SKOR2: variants seen among roughly 807,000 people sequenced by gnomAD.
The protein encoded by SKOR2 is SKI family transcriptional corepressor 2.
SKOR2 carries 47 observed loss-of-function variants against 69.1 expected under a neutral mutation model. That is an observed-to-expected ratio of 0.68 (90% CI 0.54 to 0.87). The LOEUF (loss-of-function observed/expected upper bound fraction) is 0.87. SKOR2 is among the 40% of genes least tolerant of loss of function. The pLI is 0.00. For missense variants in SKOR2, 1,404 were observed against 1,472.2 expected (o/e 0.95, Z 0.76); for synonymous variants, 717 against 672.6 (o/e 1.07, Z -1.02).
In SKOR2 at chr18:47,247,789, C is replaced by T; in HGVS notation, c.1395G>A (p.Pro465=). ...GCGGCGGCCAGAACATGCAGAAGGG[C>T]GGATAGAAGGCGTCCTTGCGGCCCG... The part of the protein sequence containing the change: ...WPAGRKDAFY[P]PFCMFWPPRT... The change falls in exon 2 of 9, where the codon CCG becomes CCA. Residue 465 remains proline, a synonymous_variant. Transcript: ENST00000425639. This position sits in a 1 kb window ranked among gnomAD's most constrained non-coding sequence, Gnocchi z 6.6. 7.2e-7 allele frequency: 1 copy of T among 1,398,382 alleles called. No individual in the cohort carries two copies. The highest frequency in any genetic ancestry group is 9.2e-7 in the Non-Finnish European group (1 of 1,083,982). The allele number at this position is 1,398,382 out of a possible 1,614,324, so 86.6% of individuals were successfully genotyped here.
intron 6 of SKOR2, among the ~76,000 whole-genome samples, chr18:47,229,659 G>GA (rs1040864006): frequency 1.7e-4 from 25 of 147,466 alleles, no homozygotes; most frequent in African/African-American, 2.7e-4. Context: ...ATCTCAAAAA[G>GA]AAAAAAAAAA....
chr18:47,233,156 C>T (rs1256751210), intron 4 of SKOR2, among the ~76,000 whole-genome samples: 1 of 152,124 alleles, frequency 6.6e-6, no homozygotes, highest in Admixed American at 6.5e-5. Context: ...TCCTTGGCAT[C>T]CCTAAGTTCC....
intron 4 of SKOR2, among the ~76,000 whole-genome samples, chr18:47,231,323 G>C (rs2064197449): frequency 6.6e-6 from 1 of 152,156 alleles, no homozygotes; most frequent in Admixed American, 6.5e-5. Context: ...CAAAAGAGGA[G>C]TCTGGATAGT....
In SKOR2 at chr18:47,246,770, GC is replaced by G. The variant is rs1352898561; in HGVS notation, c.2413del (p.Ala805ProfsTer10). 2.8e-6 allele frequency: 4 copies of G among 1,404,030 alleles called. No homozygotes were observed. Among genetic ancestry groups the G allele is most frequent in the Non-Finnish European group, 3.7e-6 (4 of 1,089,022 alleles). The allele number at this position is 1,404,030 out of a possible 1,614,324, so 87.0% of individuals were successfully genotyped here. On this transcript the variant is annotated frameshift_variant, in exon 2 of 9. Transcript: ENST00000425639. LOFTEE classifies it high-confidence loss of function. ...GCCGAGCGGGAACGCGCCCGCGACG[GC>G]CGGCGCGCGGTCCCGGCTGCTCCCC... The part of the protein sequence containing the change: ...EKGSSRDRAP[A>X]VAGAFPLGLN...
chr18:47,219,298 A>G (rs1374083578), intron 7 of SKOR2, among the ~76,000 whole-genome samples: 1 of 152,236 alleles, frequency 6.6e-6, no homozygotes, highest in African/African-American at 2.4e-5. Flanking sequence ...CCTAATGAAT[A>G]GTACTAGATG....
At chr18:47,237,268 T>C (rs1223894057) in intron 4 of SKOR2, among the ~76,000 whole-genome samples, 3 of 152,240 alleles carry the variant, frequency 2.0e-5, no homozygotes, top group Non-Finnish European at 4.4e-5. Flanking sequence ...AGAAAATAAG[T>C]TTTGTTCTCA....
At position 47,247,052 on chromosome 18, in the gene SKOR2, G is replaced by C; in HGVS notation, c.2132C>G (p.Pro711Arg). Residue 711 changes from proline to arginine, a missense_variant, in exon 2 of 9, where the codon CCG becomes CGG. This residue lies in a region of SKOR2 where 1,266 missense variants were observed against 1,309.9 expected (regional missense o/e 0.97). Coordinates refer to ENST00000425639, the MANE Select transcript of SKOR2 (RefSeq NM_001278063.4). This position sits in a 1 kb window ranked among gnomAD's most constrained non-coding sequence, Gnocchi z 6.6. The stretch of plus-strand genomic sequence containing the variant: ...GGGAGACAGAAGGCCTCGGTGGTGC[G>C]GGTGCTGGGCCAGAGGGGGCGGCGG... Reference protein sequence around the residue: ...PPPPPPLAQHPHHRGLLSPGG... With the variant: ...PPPPPPLAQHRHHRGLLSPGG... The C allele has an allele frequency of 1.0e-5, 15 of 1,472,566 alleles. No homozygotes were observed. The highest frequency in any genetic ancestry group is 1.3e-5 in the Non-Finnish European group (14 of 1,116,768). The allele number at this position is 1,472,566 out of a possible 1,614,324, so 91.2% of individuals were successfully genotyped here.
At chr18:47,210,830 A>T (rs2064125773) in intron 8 of SKOR2, among the ~76,000 whole-genome samples, 3 of 152,152 alleles carry the variant, frequency 2.0e-5, no homozygotes, top group Admixed American at 2.0e-4. Context: ...AAGTCCATGC[A>T]TTAGGAAGAG....
intron 4 of SKOR2, among the ~76,000 whole-genome samples, chr18:47,235,710 A>G (rs1039126467): frequency 2.7e-5 from 4 of 147,674 alleles, no homozygotes; most frequent in African/African-American, 5.0e-5. Flanking sequence ...GAGAAGTAAC[A>G]TGCTGAAGCA....
chr18:47,243,768 GATAATA>G (rs1297745383), intron 4 of SKOR2, among the ~76,000 whole-genome samples: 1 of 152,124 alleles, frequency 6.6e-6, no homozygotes, highest in Non-Finnish European at 1.5e-5. Flanking sequence ...ATGTGGAAGT[GATAATA>G]ATAAAAACAT....
intron 6 of SKOR2, among the ~76,000 whole-genome samples, chr18:47,228,944 C>A (rs2064187811): frequency 2.0e-5 from 3 of 152,232 alleles, no homozygotes; most frequent in African/African-American, 4.8e-5. Context: ...TGAGCTCCAG[C>A]CTCCTTTGGA....
At chr18:47,241,674 C>T (rs1402480371) in intron 4 of SKOR2, among the ~76,000 whole-genome samples, 1 of 151,958 alleles carries the variant, frequency 6.6e-6, no homozygotes, top group East Asian at 1.9e-4. Flanking sequence ...TTCTTGTGAC[C>T]CAAGATTCCA....
intron 6 of SKOR2, among the ~76,000 whole-genome samples, chr18:47,226,545 C>T (rs1013398395): frequency 5.9e-5 from 9 of 152,172 alleles, no homozygotes; most frequent in Non-Finnish European, 1.3e-4. Context: ...CCCTACCTCT[C>T]TGTTGTGTCC....
In SKOR2 at chr18:47,248,950, G is replaced by A. The variant is rs1272797233; in HGVS notation, c.234C>T (p.Asn78=). ...SNTLLKNFSY[N]EIHNRRVALG... The stretch of plus-strand genomic sequence containing the variant: ...GTGCCACGCGACGGTTGTGGATCTC[G>A]TTGTAGCTGAAGTTCTTGAGCAGAG... Residue 78 remains asparagine (N), a synonymous_variant, in exon 2 of 9, where the codon AAC becomes AAT. Coordinates refer to ENST00000425639, the MANE Select transcript of SKOR2 (RefSeq NM_001278063.4). This position sits in a 1 kb window ranked among gnomAD's most constrained non-coding sequence, Gnocchi z 6.4. The A allele has an allele frequency of 4.4e-6, 7 of 1,575,958 alleles. No individual in the cohort carries two copies. The highest frequency in any genetic ancestry group is 3.3e-4 in the Middle Eastern group (2 of 6,058).
In SKOR2 at chr18:47,249,071, G is replaced by T; in HGVS notation, c.113C>A (p.Pro38His). The change falls in exon 2 of 9, where the codon CCC becomes CAC. Residue 38 changes from proline to histidine, a missense_variant. By Grantham distance (77) the Pro-to-His change is moderately conservative (BLOSUM62 -2). Around this residue, in one of 3 missense-constraint regions of SKOR2, gnomAD observed 104 missense variants for 95.7 expected, o/e 1.09. Coordinates refer to ENST00000425639, the MANE Select transcript of SKOR2 (RefSeq NM_001278063.4). ...GAGGATCACCTGGCCCACCTGGTTGGGTTTGAGGTTGGCGTGCCCTGGCCG... is the reference window on the plus strand; with the variant it reads ...GAGGATCACCTGGCCCACCTGGTTGTGTTTGAGGTTGGCGTGCCCTGGCCG... Reference protein sequence around the residue: ...QPRPGHANLKPNQVGQVILYG... With the variant: ...QPRPGHANLKHNQVGQVILYG... The T allele has an allele frequency of 6.5e-7, 1 of 1,536,812 alleles. No homozygotes were observed. The highest frequency in any genetic ancestry group is 8.7e-7 in the Non-Finnish European group (1 of 1,147,082).
rs1242648697 is a variant in SKOR2, at chr18:47,246,694, G to A, written c.2490C>T (p.Gly830=). The A allele has an allele frequency of 2.7e-6, 4 of 1,468,752 alleles. No individual in the cohort carries two copies. Among genetic ancestry groups the A allele is most frequent in the Non-Finnish European group, 3.6e-6 (4 of 1,123,262 alleles). 91.0% of individuals were successfully genotyped at this position (1,468,752 alleles called of 1,614,324 possible). A position where few individuals can be genotyped will look rare whatever the true frequency, so the allele number is the denominator to read the frequency against. ...LQEDGKLGDP[G]SDLPPPPPPP... is the part of the protein sequence containing the mutation. ...GCGGCGGGGGCGGGGGCAGGTCCGA[G>A]CCGGGGTCCCCGAGTTTCCCGTCTT... The change falls in exon 2 of 9, where the codon GGC becomes GGT. Residue 830 remains glycine (G), a synonymous_variant. Coordinates refer to ENST00000425639, the MANE Select transcript of SKOR2 (RefSeq NM_001278063.4).
In SKOR2 at chr18:47,206,293, A is replaced by G. The variant is rs1388949253; in HGVS notation, c.*603T>C. ...TTAATTACACTCAATATTAAACTGTAAAATATTTCCAAAGGAATACAATCC... is the reference window on the plus strand; with the variant it reads ...TTAATTACACTCAATATTAAACTGTGAAATATTTCCAAAGGAATACAATCC... On this transcript the variant is annotated 3_prime_UTR_variant, in exon 9 of 9. Transcript: ENST00000425639. 6.6e-6 allele frequency: 1 copy of G among 152,178 alleles called. No individual in the cohort carries two copies. Among genetic ancestry groups the G allele is most frequent in the East Asian group, 1.9e-4 (1 of 5,200 alleles). 9.4% of individuals were successfully genotyped at this position (152,178 alleles called of 1,614,324 possible).
chr18:47,245,478 A>ATTTTTCTTTTTTTT lies in SKOR2; in HGVS notation c.2677+19_2677+20insAAAAAAAAGAAAAA, dbSNP rs2064267996. The ATTTTTCTTTTTTTT allele has an allele frequency of 1.3e-6, 1 of 785,128 alleles. No individual in the cohort carries two copies. The highest frequency in any genetic ancestry group is 1.7e-6 in the Non-Finnish European group (1 of 592,668). 48.6% of individuals were successfully genotyped at this position (785,128 alleles called of 1,614,324 possible). ...ATGCAGGCAAGAAAAGTGGCAGCTG[A>ATTTTTCTTTTTTTT]TTTTTTTTTTTTTTTTTACCTGAAA... On this transcript the variant is annotated intron_variant, in intron 3 of 8. Coordinates refer to ENST00000425639, the MANE Select transcript of SKOR2 (RefSeq NM_001278063.4).
intron 4 of SKOR2, chr18:47,231,241 T>C (rs2064197105): frequency 7.0e-7 from 1 of 1,423,128 alleles, no homozygotes; most frequent in Non-Finnish European, 9.5e-7. Context: ...GAAAAGCAGA[T>C]TCTTGAAGTT....
Sources: gnomAD v4.1 joint callset for allele counts (sites outside exome capture counted in the v4.1 genomes callset) on GRCh38, gnomAD v4.1.1 for gene constraint, gnomAD v4.1.1 regional missense constraint, Gnocchi (gnomAD v3.1) non-coding constraint, MANE v1.5 for transcripts, NCBI Gene and HGNC (gene_info 2026-07-23, HGNC 2026-07-21) for gene names.